TEX9: variants seen among roughly 807,000 people sequenced by gnomAD.
TEX9 encodes testis expressed 9.
A neutral mutation model predicts 59.6 loss-of-function variants in TEX9; 74 were observed. The observed-to-expected ratio is 1.24, with a 90% CI of 1.03 to 1.51. TEX9 has a LOEUF of 1.51. Among genes scored for constraint, TEX9 ranks in the 40% most tolerant of loss-of-function variants. The pLI, the probability that TEX9 is intolerant of heterozygous loss-of-function variation, is 0.00. For synonymous variants in TEX9, 186 were observed against 152.2 expected (o/e 1.22, Z -1.64); for missense variants, 522 against 447.8 (o/e 1.17, Z -1.49).
intron 10 of TEX9, among the ~76,000 whole-genome samples, chr15:56,427,330 C>A (rs2050343403): frequency 6.6e-6 from 1 of 151,950 alleles, no homozygotes; most frequent in African/African-American, 2.4e-5. Flanking sequence ...ATTCATAAAT[C>A]CAGAGTTTAT....
chr15:56,262,728 T>C (rs1051896604), intron 1 of TEX9, among the ~76,000 whole-genome samples: 1 of 152,236 alleles, frequency 6.6e-6, no homozygotes, highest in Non-Finnish European at 1.5e-5. Context: ...ATTAAGATTT[T>C]GTCTGTTTTT....
At chr15:56,383,124 A>C (rs919786449) in intron 3 of TEX9, among the ~76,000 whole-genome samples, 1 of 152,152 alleles carries the variant, frequency 6.6e-6, no homozygotes, top group Admixed American at 6.5e-5. Flanking sequence ...TCCTCCATGC[A>C]TGGGTACTCA....
rs145648077 is a variant in TEX9, at chr15:56,249,567, G to A, written c.-107+5289G>A. Among the ~76,000 whole-genome samples, 564 of 151,606 alleles carry A rather than the reference G, an allele frequency of 3.7e-3. 6 individuals carry two copies. Among genetic ancestry groups the A allele is most frequent in the African/African-American group, 0.013 (532 of 41,378 alleles). On this transcript the variant is annotated intron_variant, in intron 1 of 5. Coordinates refer to the TEX9 transcript ENST00000560827. ...AGCCTGGCGAAGATGGTGAAACCCCGTTTCTACTAAAAATACAAAAATTAG... is the reference window on the plus strand; with the variant it reads ...AGCCTGGCGAAGATGGTGAAACCCCATTTCTACTAAAAATACAAAAATTAG...
chr15:56,427,278 T>C (rs2050338987), intron 10 of TEX9, among the ~76,000 whole-genome samples: 1 of 74,694 alleles, frequency 1.3e-5, no homozygotes, highest in South Asian at 8.9e-4. Context: ...AATATACTTT[T>C]TAAACGTTTT....
At chr15:56,371,649 A>G (rs904242350) in intron 2 of TEX9, among the ~76,000 whole-genome samples, 1 of 152,060 alleles carries the variant, frequency 6.6e-6, no homozygotes, top group Non-Finnish European at 1.5e-5. Flanking sequence ...AGAGAGTCCT[A>G]TATATTCTAG....
intron 1 of TEX9, among the ~76,000 whole-genome samples, chr15:56,244,593 C>T (rs2043796904): frequency 6.7e-6 from 1 of 149,896 alleles, no homozygotes; most frequent in African/African-American, 2.5e-5. Flanking sequence ...CCACCCCACC[C>T]CCTTTCCAGG....
intron 10 of TEX9, among the ~76,000 whole-genome samples, chr15:56,421,318 T>C (rs1276024048): frequency 6.6e-6 from 1 of 151,908 alleles, no homozygotes; most frequent in Non-Finnish European, 1.5e-5. Flanking sequence ...TTTTTGTTGC[T>C]GCATTCTGAT....
upstream of TEX9, chr15:56,365,400 C>A (rs1462521556): frequency 1.3e-6 from 2 of 1,591,952 alleles, no homozygotes; most frequent in African/African-American, 1.3e-5. Context: ...TGTGGAAACT[C>A]TCGCGGGAAG....
intron 12 of TEX9, chr15:56,444,595 T>G: frequency 1.2e-6 from 2 of 1,613,472 alleles, no homozygotes; most frequent in Non-Finnish European, 1.7e-6. Context: ...TTGTTTCGTT[T>G]GTCTTCTGCA....
intron 1 of TEX9, among the ~76,000 whole-genome samples, chr15:56,296,824 T>TC (rs1247816260): frequency 6.6e-6 from 1 of 152,228 alleles, no homozygotes; most frequent in African/African-American, 2.4e-5. Flanking sequence ...TACTTTTTTT[T>TC]CTTTTTCTTT....
At chr15:56,303,967 C>G (rs1047124035) in intron 1 of TEX9, among the ~76,000 whole-genome samples, 1 of 152,234 alleles carries the variant, frequency 6.6e-6, no homozygotes, top group East Asian at 1.9e-4. Flanking sequence ...AAAACATGAA[C>G]GGACTAATAA....
At chr15:56,322,375 G>T (rs1397961110) in intron 1 of TEX9, among the ~76,000 whole-genome samples, 11 of 152,186 alleles carry the variant, frequency 7.2e-5, no homozygotes, top group African/African-American at 1.9e-4. Flanking sequence ...ATATGGAGAA[G>T]AAACATTAGG....
chr15:56,248,812 T>C (rs1348928566), intron 1 of TEX9: 1 of 152,202 alleles, frequency 6.6e-6, no homozygotes, highest in Non-Finnish European at 1.5e-5. Context: ...AAAAGTGTTT[T>C]AGTTATTTAC....
At position 56,276,336 on chromosome 15, in the gene TEX9, C is replaced by A. The variant is rs892494890; in HGVS notation, c.-107+32058C>A. On this transcript the variant is annotated intron_variant, in intron 1 of 5. Coordinates refer to the TEX9 transcript ENST00000560827. ...TAGTGCTCTCCCTCCTCTTGCCCCC[C>A]ACACCTTGACAGGCCCTGGTGTGTG... 2.6e-5 allele frequency among the ~76,000 whole-genome samples: 4 copies of A among 152,166 alleles called. 1 individual carries two copies. Among genetic ancestry groups the A allele is most frequent in the Admixed American group, 6.5e-5 (1 of 15,286 alleles).
chr15:56,365,332 C>T, upstream of TEX9: 1 of 1,352,784 alleles, frequency 7.4e-7, no homozygotes, highest in Non-Finnish European at 9.8e-7. Flanking sequence ...TCGCGCCGCT[C>T]GCAGCACAGA....
At chr15:56,343,607 A>G (rs1053200456) in intron 1 of TEX9, among the ~76,000 whole-genome samples, 1 of 152,144 alleles carries the variant, frequency 6.6e-6, no homozygotes, top group Non-Finnish European at 1.5e-5. Context: ...GATATTATCA[A>G]CAACTTCATA....
intron 10 of TEX9, among the ~76,000 whole-genome samples, chr15:56,416,635 A>G (rs1462668338): frequency 1.3e-5 from 2 of 151,816 alleles, no homozygotes; most frequent in Non-Finnish European, 2.9e-5. Context: ...GGATTTTTGT[A>G]TCAGTGTTCA....
Position 56,383,967 on chromosome 15 carries a change from G to T in TEX9, c.199G>T (p.Val67Leu), listed in dbSNP as rs150520921. ...CTCATTTAAGAGAGATCGGCAAGAA[G>T]TACGATCTAGGCCTGTTTCAACACA... The change falls in exon 4 of 13, where the codon GTA becomes TTA. Residue 67 changes from valine (V) to leucine (L), a missense_variant. Transcript: ENST00000352903. 78 of 1,611,282 alleles carry T rather than the reference G, an allele frequency of 4.8e-5. 1 individual carries two copies. In the African/African-American group the frequency reaches 9.6e-4, roughly 20 times the overall value.
chr15:56,314,330 A>G (rs1468300769), intron 1 of TEX9, among the ~76,000 whole-genome samples: 1 of 64,878 alleles, frequency 1.5e-5, no homozygotes, highest in Non-Finnish European at 3.4e-5. Context: ...AATGCGTCCC[A>G]GAGATTCTGG....
Sources: allele counts gnomAD v4.1 joint callset (sites outside exome capture counted in the v4.1 genomes callset), GRCh38; gene constraint gnomAD v4.1.1; transcripts MANE v1.5; gene names NCBI Gene and HGNC (gene_info 2026-07-23, HGNC 2026-07-21).